SNTA1: variants seen among roughly 807,000 people sequenced by gnomAD.
SNTA1 encodes the protein syntrophin alpha 1, also known as alpha-1-syntrophin.
In SNTA1, 31 loss-of-function variants were observed where a neutral mutation model predicts 47.1. The ratio of observed to expected loss-of-function variants is 0.66; its 90% CI spans 0.49 to 0.89. The LOEUF (loss-of-function observed/expected upper bound fraction) is 0.89, where lower values mean the gene tolerates loss of function less well. Ranked by LOEUF, SNTA1 falls within the 40% of genes least tolerant of loss-of-function variation. The pLI is 0.00. For missense variants in SNTA1, 575 were observed against 693.0 expected (o/e 0.83, Z 1.91); for synonymous variants, 300 against 313.6 (o/e 0.96, Z 0.46).
At chr20:33,439,999 C>T (rs1465940712) in intron 1 of SNTA1, among the ~76,000 whole-genome samples, 1 of 152,130 alleles carries the variant, frequency 6.6e-6, no homozygotes, top group Non-Finnish European at 1.5e-5. Context: ...GTAGCGGATG[C>T]CTGTAATCCC....
intron 2 of SNTA1, among the ~76,000 whole-genome samples, chr20:33,426,493 GGC>G (rs1160664553): frequency 6.6e-6 from 1 of 150,950 alleles, no homozygotes; most frequent in Non-Finnish European, 1.5e-5. Context: ...TGGGCACAGT[GGC>G]TCATGCCTGT....
chr20:33,430,291 T>C (rs965898956), intron 2 of SNTA1, among the ~76,000 whole-genome samples: 32 of 144,082 alleles, frequency 2.2e-4, no homozygotes, highest in African/African-American at 7.1e-4. Context: ...TTTTTTCTTT[T>C]TTTTTTTTTT....
At position 33,440,383 on chromosome 20, in the gene SNTA1, A is replaced by T. The variant is rs1990549750; in HGVS notation, c.311-1357T>A. Among the ~76,000 whole-genome samples, 3 of 152,122 alleles carry T rather than the reference A, an allele frequency of 2.0e-5. No homozygotes were observed. In the South Asian group the frequency reaches 6.2e-4, roughly 32 times the overall value. On this transcript the variant is annotated intron_variant, in intron 1 of 7. Coordinates refer to ENST00000217381, the MANE Select transcript of SNTA1 (RefSeq NM_003098.3). ...AGTCAGGAGAATTGCTTGAACCGGG[A>T]GGCTGAGGTTGCAATGAGCCAAGAT...
intron 2 of SNTA1, among the ~76,000 whole-genome samples, chr20:33,430,880 CGCA>C (rs1204442092): frequency 1.3e-5 from 2 of 150,826 alleles, no homozygotes; most frequent in Non-Finnish European, 2.9e-5. Context: ...ACTGGGGAGG[CGCA>C]GATTGCAGTG....
chr20:33,429,908 A>G (rs1172874900), intron 2 of SNTA1, among the ~76,000 whole-genome samples: 2 of 152,186 alleles, frequency 1.3e-5, no homozygotes, highest in Non-Finnish European at 2.9e-5. Context: ...GACTACAGGA[A>G]TGTGCCACCA....
At chr20:33,436,233 G>A (rs1348221107) in intron 2 of SNTA1, among the ~76,000 whole-genome samples, 1 of 152,022 alleles carries the variant, frequency 6.6e-6, no homozygotes, top group African/African-American at 2.4e-5. Context: ...AAGATGAGGA[G>A]GTGAGGGGAC....
intron 2 of SNTA1, among the ~76,000 whole-genome samples, chr20:33,430,870 A>C (rs1990289504): frequency 6.6e-6 from 1 of 150,684 alleles, no homozygotes; most frequent in Admixed American, 6.6e-5. Flanking sequence ...AATCACTTGA[A>C]CTGGGGAGGC....
At chr20:33,409,878 G>A (rs1209124328) in intron 6 of SNTA1, among the ~76,000 whole-genome samples, 3 of 152,002 alleles carry the variant, frequency 2.0e-5, no homozygotes, top group Non-Finnish European at 2.9e-5. Context: ...TGATCCACCC[G>A]CCTCAGCCTC....
intron 2 of SNTA1, among the ~76,000 whole-genome samples, chr20:33,431,340 T>C (rs2146796303): frequency 6.6e-6 from 1 of 152,326 alleles, no homozygotes; most frequent in South Asian, 2.1e-4. Context: ...ATTCCATCTC[T>C]GCCATACTGT....
At chr20:33,431,011 A>C (rs1197890055) in intron 2 of SNTA1, among the ~76,000 whole-genome samples, 2 of 151,982 alleles carry the variant, frequency 1.3e-5, no homozygotes, top group South Asian at 2.1e-4. Flanking sequence ...TAATCCCAGC[A>C]CGTCAGGAGG....
chr20:33,412,279 C>T lies in SNTA1; in HGVS notation c.1040+17G>A. The T allele has an allele frequency of 6.2e-7, 1 of 1,607,402 alleles. No individual in the cohort carries two copies. The highest frequency in any genetic ancestry group is 8.5e-7 in the Non-Finnish European group (1 of 1,178,496). On this transcript the variant is annotated intron_variant, in intron 5 of 7. Coordinates refer to ENST00000217381, the MANE Select transcript of SNTA1 (RefSeq NM_003098.3). ...GGCAAGTTCTGGGGGAGACATACTG[C>T]CCCTGCCTGTGGGTACCTGGTGGCG...
chr20:33,443,281 G>A (rs1410489685), intron 1 of SNTA1, 30 bp downstream of exon 1: 1 of 1,483,206 alleles, frequency 6.7e-7, no homozygotes, highest in South Asian at 1.3e-5. Context: ...CAGACACCAC[G>A]ACCCCGCGCC....
rs1246472322 is a variant in SNTA1, at chr20:33,437,446, GAA to G, written c.496+1393_496+1394del. 2.8e-5 allele frequency among the ~76,000 whole-genome samples: 4 copies of G among 142,912 alleles called. No individual in the cohort carries two copies. In the South Asian group the frequency reaches 8.9e-4, roughly 32 times the overall value. The allele number at this position is 142,912 out of a possible 152,430, so 93.8% of individuals were successfully genotyped here. On this transcript the variant is annotated intron_variant, in intron 2 of 7. Coordinates refer to ENST00000217381, the MANE Select transcript of SNTA1 (RefSeq NM_003098.3). Reference sequence around the variant, plus strand: ...CTGTCTCGAAAAAAAAAAAAAACAAGAAAAAAAAATGCATCCATGGCATTTAA... The same window carrying G: ...CTGTCTCGAAAAAAAAAAAAAACAAGAAAAAAATGCATCCATGGCATTTAA...
intron 2 of SNTA1, among the ~76,000 whole-genome samples, chr20:33,426,183 T>G (rs1990164616): frequency 6.6e-6 from 1 of 151,860 alleles, no homozygotes; most frequent in Admixed American, 6.6e-5. Flanking sequence ...GCGCAGTGAC[T>G]CACGCCTGTA....
At position 33,443,406 on chromosome 20, in the gene SNTA1, G is replaced by C; in HGVS notation, c.215C>G (p.Ala72Gly). The change falls in exon 1 of 8, where the codon GCC becomes GGC. Residue 72 changes from alanine to glycine, a missense_variant. By Grantham distance (60) the Ala-to-Gly change is moderately conservative. Transcript: ENST00000217381. Reference sequence around the variant, plus strand: ...CGCCTCTGGCAGCTGCGGGGGCCCGGCGCCCGGCTCCGCGGCGCCGTTGAG... The same window carrying C: ...CGCCTCTGGCAGCTGCGGGGGCCCGCCGCCCGGCTCCGCGGCGCCGTTGAG... ...AQLNGAAEPG[A>G]GPPQLPEALL... 7.4e-7 allele frequency: 1 copy of C among 1,351,426 alleles called. No homozygotes were observed. The highest frequency in any genetic ancestry group is 9.4e-7 in the Non-Finnish European group (1 of 1,059,370). The allele number at this position is 1,351,426 out of a possible 1,614,324, so 83.7% of individuals were successfully genotyped here.
intron 2 of SNTA1, among the ~76,000 whole-genome samples, chr20:33,430,112 C>T (rs1327232566): frequency 6.6e-6 from 1 of 152,024 alleles, no homozygotes; most frequent in Non-Finnish European, 1.5e-5. Context: ...CGTATCAACT[C>T]GGAAGCCTAG....
chr20:33,412,536 G>A (rs752215533), intron 4 of SNTA1, 39 bp downstream of exon 4: 46 of 1,604,052 alleles, frequency 2.9e-5, no homozygotes, highest in East Asian at 8.9e-5. Context: ...CCAAAGGAGC[G>A]GAAGAGAGAG....
intron 2 of SNTA1, among the ~76,000 whole-genome samples, chr20:33,427,044 CAGAG>C (rs759211429): frequency 8.2e-6 from 1 of 122,330 alleles, no homozygotes; most frequent in Non-Finnish European, 1.6e-5. Context: ...GCCTGGGTGA[CAGAG>C]AGAAACCCTG....
At position 33,408,597 on chromosome 20, in the gene SNTA1, C is replaced by T. The variant is rs1060504991; in HGVS notation, c.1428G>A (p.Gln476=). Reference sequence around the variant, plus strand: ...TTTTGGGACACGAGTGCAGGTCCAGCTGCTGGAGGGTGGATGGAGAGAAGA... The same window carrying T: ...TTTTGGGACACGAGTGCAGGTCCAGTTGCTGGAGGGTGGATGGAGAGAAGA... ...LDFGGAEGEI[Q]LDLHSCPKTI... The change falls in exon 8 of 8, where the codon CAG becomes CAA. Residue 476 remains glutamine (Q), a splice_region_variant and synonymous_variant. Coordinates refer to ENST00000217381, the MANE Select transcript of SNTA1 (RefSeq NM_003098.3). 1 of 1,613,970 alleles carries T rather than the reference C, an allele frequency of 6.2e-7. No individual in the cohort carries two copies. Among genetic ancestry groups the T allele is most frequent in the Admixed American group, 1.7e-5 (1 of 60,020 alleles).
Sources: gnomAD v4.1 joint callset for allele counts (sites outside exome capture counted in the v4.1 genomes callset) on GRCh38, gnomAD v4.1.1 for gene constraint, MANE v1.5 for transcripts, NCBI Gene and HGNC (gene_info 2026-07-23, HGNC 2026-07-21) for gene names.